The following MIA2 variants were observed in gnomAD, a reference collection of about 807,000 sequenced individuals.
MIA2 encodes the protein MIA SH3 domain ER export factor 2.
Under a neutral mutation model 167.8 loss-of-function variants are expected in MIA2, and 127 were observed. The ratio of observed to expected loss-of-function variants is 0.76; its 90% CI spans 0.66 to 0.88. The LOEUF (loss-of-function observed/expected upper bound fraction) is 0.88, where lower values mean the gene tolerates loss of function less well. Ranked by LOEUF, MIA2 falls within the 40% of genes least tolerant of loss-of-function variation. MIA2 has a pLI of 0.00. For missense variants in MIA2, 1,690 were observed against 1,624.7 expected (o/e 1.04, Z -0.69); for synonymous variants, 552 against 541.9 (o/e 1.02, Z -0.26).
chr14:39,328,563 T>G (rs1348842613), intron 25 of MIA2, among the ~76,000 whole-genome samples: 1 of 152,234 alleles, frequency 6.6e-6, no homozygotes, highest in Non-Finnish European at 1.5e-5. Flanking sequence ...TGAATGGTAT[T>G]GCCTAGGTTT....
chr14:39,357,649 G>C (rs371632887), intron 23 of MIA2, among the ~76,000 whole-genome samples: 2 of 152,120 alleles, frequency 1.3e-5, no homozygotes, highest in Non-Finnish European at 2.9e-5. Context: ...TCCTAGCCTC[G>C]ATGGTCTTCA....
At chr14:39,258,560 A>G (rs1319543314) in intron 6 of MIA2, among the ~76,000 whole-genome samples, 2 of 152,096 alleles carry the variant, frequency 1.3e-5, no homozygotes, top group African/African-American at 2.4e-5. Flanking sequence ...GTTTGTTATT[A>G]CCCACCTTCT....
At chr14:39,325,604 T>C (rs565307843) in intron 24 of MIA2, among the ~76,000 whole-genome samples, 4 of 151,886 alleles carry the variant, frequency 2.6e-5, no homozygotes, top group Non-Finnish European at 5.9e-5. Context: ...CCTGACCTTG[T>C]GACCCGCCCG....
intron 23 of MIA2, among the ~76,000 whole-genome samples, chr14:39,377,804 A>G (rs2075073302): frequency 6.6e-6 from 1 of 151,798 alleles, no homozygotes; most frequent in Admixed American, 6.6e-5. Flanking sequence ...TTTTTTTATA[A>G]GGAATCTAAG....
intron 24 of MIA2, among the ~76,000 whole-genome samples, chr14:39,324,613 T>A (rs904134647): frequency 7.9e-5 from 12 of 151,656 alleles, no homozygotes; most frequent in African/African-American, 1.2e-4. Flanking sequence ...CTTTTTTTTT[T>A]ATTTTTTTTT....
chr14:39,259,011 T>C (rs2054947208), intron 6 of MIA2, among the ~76,000 whole-genome samples: 2 of 152,242 alleles, frequency 1.3e-5, no homozygotes. Context: ...ATGAGGTGTC[T>C]GTTGACCCCT....
intron 23 of MIA2, among the ~76,000 whole-genome samples, chr14:39,374,902 A>C (rs573737179): frequency 9.7e-4 from 148 of 152,342 alleles, no homozygotes; most frequent in Middle Eastern, 3.4e-3. Flanking sequence ...TTTAGGTAAA[A>C]CCTTAGGAAG....
chr14:39,244,116 G>C (rs1001255836), intron 3 of MIA2, among the ~76,000 whole-genome samples: 1 of 152,182 alleles, frequency 6.6e-6, no homozygotes, highest in African/African-American at 2.4e-5. Context: ...GGGGTCTTAC[G>C]CCCTACAATC....
At chr14:39,386,488 A>C (rs546406511) in intron 23 of MIA2, 1 of 1,482,906 alleles carries the variant, frequency 6.7e-7, no homozygotes, top group Admixed American at 1.9e-5. Flanking sequence ...CCTGTACTTC[A>C]GGAGACTTGG....
rs190909649 is a variant in MIA2 at position 39,266,697 on chromosome 14, G to A, written c.1888-10237G>A. The stretch of plus-strand genomic sequence containing the variant: ...CATTTTTCTGACTGGAATGACGGCG[G>A]CGGCTGGCTTCTCGGGGCTGCCGGG... On this transcript the variant is annotated intron_variant, in intron 6 of 28. Coordinates refer to ENST00000640607, the MANE Select transcript of MIA2 (RefSeq NM_001329214.4). 78 of 985,636 alleles carry A rather than the reference G, an allele frequency of 7.9e-5. 1 individual carries two copies. The East Asian group carries it at 6.1e-3, about 77-fold the overall frequency. The allele number at this position is 985,636 out of a possible 1,614,324, so 61.1% of individuals were successfully genotyped here. A position where few individuals can be genotyped will look rare whatever the true frequency, so the allele number is the denominator to read the frequency against.
chr14:39,322,539 CAAA>C (rs541740480), intron 24 of MIA2, among the ~76,000 whole-genome samples: 6 of 78,206 alleles, frequency 7.7e-5, no homozygotes, highest in Admixed American at 1.3e-4. Context: ...GACTCCGTCT[CAAA>C]AAAAAAAAAA....
chr14:39,246,972 T>G lies in MIA2; in HGVS notation c.398T>G (p.Leu133Ter). Residue 133 changes from leucine (L) to a stop codon, truncating the protein, a stop_gained, in exon 4 of 29, where the codon TTA becomes TGA. Coordinates refer to ENST00000640607, the MANE Select transcript of MIA2 (RefSeq NM_001329214.4). LOFTEE classifies it high-confidence loss of function. ...ACATTTGACAATGAAGATAGTGAAT[T>G]AAACGGTGATTATGGTGAAAATATA... is the stretch of plus-strand genomic sequence containing the variant. Reference protein sequence around the residue: ...SYTFDNEDSELNGDYGENIYP... With the variant: ...SYTFDNEDSE The G allele has an allele frequency of 2.6e-6, 4 of 1,547,116 alleles. No homozygotes were observed. Among genetic ancestry groups the G allele is most frequent in the Non-Finnish European group, 3.5e-6 (4 of 1,153,688 alleles).
intron 6 of MIA2, among the ~76,000 whole-genome samples, chr14:39,270,062 C>T (rs145668082): frequency 6.6e-6 from 1 of 152,074 alleles, no homozygotes; most frequent in Admixed American, 6.6e-5. Context: ...GAGGTCACAC[C>T]ATTTTACATC....
intron 3 of MIA2, among the ~76,000 whole-genome samples, chr14:39,242,782 T>A (rs1214244666): frequency 6.6e-6 from 1 of 152,096 alleles, no homozygotes; most frequent in Non-Finnish European, 1.5e-5. Flanking sequence ...TCCAAGAAGT[T>A]TGCTGGGTAG....
intron 10 of MIA2, among the ~76,000 whole-genome samples, chr14:39,292,448 A>G (rs2060863536): frequency 6.6e-6 from 1 of 152,316 alleles, no homozygotes. Flanking sequence ...TTGAATTCAA[A>G]CTATAATGTG....
At chr14:39,346,473 G>A (rs1429804480) in intron 26 of MIA2, among the ~76,000 whole-genome samples, 3 of 151,962 alleles carry the variant, frequency 2.0e-5, no homozygotes, top group Non-Finnish European at 4.4e-5. Context: ...CATGTACTGA[G>A]CAATCTACTA....
At chr14:39,323,402 A>G (rs902536156) in intron 24 of MIA2, among the ~76,000 whole-genome samples, 1 of 152,088 alleles carries the variant, frequency 6.6e-6, no homozygotes, top group African/African-American at 2.4e-5. Flanking sequence ...ACTGATTTTG[A>G]CATTGACATG....
At chr14:39,307,126 A>C (rs2063462382) in intron 17 of MIA2, among the ~76,000 whole-genome samples, 1 of 152,100 alleles carries the variant, frequency 6.6e-6, no homozygotes, top group African/African-American at 2.4e-5. Context: ...TATATGTCAA[A>C]ATTTTAGCTT....
chr14:39,350,948 G>A (rs2074324970), downstream of MIA2: 1 of 119,016 alleles, frequency 8.4e-6, no homozygotes, highest in Non-Finnish European at 1.7e-5. Flanking sequence ...TTCTTGCACG[G>A]TTTCTTTATT....
Sources: gnomAD v4.1 joint callset for allele counts (sites outside exome capture counted in the v4.1 genomes callset) on GRCh38, gnomAD v4.1.1 for gene constraint, MANE v1.5 for transcripts, NCBI Gene and HGNC (gene_info 2026-07-23, HGNC 2026-07-21) for gene names.